HEBP1: variants seen among roughly 807,000 people sequenced by gnomAD.
HEBP1 encodes the protein heme binding protein 1.
HEBP1 carries 13 observed loss-of-function variants against 20.4 expected under a neutral mutation model. That is an observed-to-expected ratio of 0.64 (90% CI 0.42 to 1.01). The LOEUF (loss-of-function observed/expected upper bound fraction) is 1.01, where lower values mean the gene tolerates loss of function less well. Among genes scored for constraint, HEBP1 ranks in the 50% least tolerant of loss-of-function variants. The probability of loss-of-function intolerance (pLI) is 0.00; values close to 1 mark genes in which losing one functional copy is unlikely to be tolerated. For missense variants in HEBP1, 241 were observed against 247.3 expected (o/e 0.97, Z 0.17); for synonymous variants, 92 against 90.7 (o/e 1.01, Z -0.08).
chr12:12,991,871 A>G (rs1864229364), intron 1 of HEBP1, among the ~76,000 whole-genome samples: 1 of 152,146 alleles, frequency 6.6e-6, no homozygotes, highest in East Asian at 1.9e-4. Flanking sequence ...TGTTAATTTT[A>G]CCATCTGGTA....
At chr12:12,978,836 T>C (rs951312546) in intron 3 of HEBP1, 5 of 152,208 alleles carry the variant, frequency 3.3e-5, no homozygotes, top group African/African-American at 1.2e-4. Flanking sequence ...GGGGTGTTCA[T>C]GATTTAGTTT....
At chr12:12,980,693 G>A (rs769736743) in intron 3 of HEBP1, 29 of 152,460 alleles carry the variant, frequency 1.9e-4, no homozygotes, top group South Asian at 6.2e-4. Context: ...GAGGCATGTT[G>A]GGTGGTGGTG....
At chr12:12,985,454 A>G (rs757351830) in intron 3 of HEBP1, among the ~76,000 whole-genome samples, 1 of 152,084 alleles carries the variant, frequency 6.6e-6, no homozygotes, top group Non-Finnish European at 1.5e-5. Flanking sequence ...CTACCTTTCT[A>G]TAAGTTTGAA....
chr12:12,976,355 A>T (rs1351035818), intron 3 of HEBP1, among the ~76,000 whole-genome samples: 2 of 152,130 alleles, frequency 1.3e-5, no homozygotes, highest in Admixed American at 1.3e-4. Context: ...TCTTTTCAAG[A>T]TTATTATTCT....
chr12:12,989,935 G>A (rs1339212239), intron 1 of HEBP1, among the ~76,000 whole-genome samples: 1 of 152,052 alleles, frequency 6.6e-6, no homozygotes, highest in Non-Finnish European at 1.5e-5. Flanking sequence ...CCTCCTTGGG[G>A]GACTGGATCC....
At position 12,990,918 on chromosome 12, in the gene HEBP1, C is replaced by G. The variant is rs574296218; in HGVS notation, c.79-1503G>C. 3.3e-5 allele frequency among the ~76,000 whole-genome samples: 5 copies of G among 152,232 alleles called. No individual in the cohort carries two copies. The South Asian group carries it at 1.0e-3, about 32-fold the overall frequency. On this transcript the variant is annotated intron_variant, in intron 1 of 3. Transcript: ENST00000014930. ...GGCCCAACCAGTTCTGCCATTGCAC[C>G]GAGGAACAGAAGACAGCAAGAAAAA... is the stretch of plus-strand genomic sequence containing the variant.
At chr12:12,988,479 A>C (rs1308380920) in intron 2 of HEBP1, among the ~76,000 whole-genome samples, 1 of 152,180 alleles carries the variant, frequency 6.6e-6, no homozygotes, top group Non-Finnish European at 1.5e-5. Context: ...TACTCAATAG[A>C]CAGAGCAGCT....
In HEBP1 at chr12:12,987,328, A is replaced by C; in HGVS notation, c.222T>G (p.Ile74Met). The change falls in exon 3 of 4, where the codon ATT becomes ATG. Residue 74 changes from isoleucine (I) to methionine (M), a missense_variant. Ile to Met is a conservative substitution (Grantham distance 10, BLOSUM62 1). Transcript: ENST00000014930. ...KYAGGTNDKGIGMGMTVPISF... is the reference protein window; with the variant it reads ...KYAGGTNDKGMGMGMTVPISF... ...AAATAGGGACTGTCATCCCCATCCCAATTCCTGAAAACACAAAAGCACAGA... is the reference window on the plus strand; with the variant it reads ...AAATAGGGACTGTCATCCCCATCCCCATTCCTGAAAACACAAAAGCACAGA... 3 of 1,612,288 alleles carry C rather than the reference A, an allele frequency of 1.9e-6. No individual in the cohort carries two copies. Among genetic ancestry groups the C allele is most frequent in the African/African-American group, 2.7e-5 (2 of 74,930 alleles).
Position 12,986,079 on chromosome 12 carries a change from TGTTAA to T in HEBP1, c.398+1068_398+1072del, listed in dbSNP as rs1864148803. The T allele has an allele frequency of 1.3e-5, 2 of 152,196 alleles. No individual in the cohort carries two copies. The highest frequency in any genetic ancestry group is 4.8e-5 in the African/African-American group (2 of 41,430). 9.4% of individuals were successfully genotyped at this position (152,196 alleles called of 1,614,324 possible). A position where few individuals can be genotyped will look rare whatever the true frequency, so the allele number is the denominator to read the frequency against. On this transcript the variant is annotated intron_variant, in intron 3 of 3. Transcript: ENST00000014930. The surrounding 1 kb of genome is among the most constrained non-coding windows in gnomAD (Gnocchi z 4.3). Reference sequence around the variant, plus strand: ...GCATCTCCACCCTAGGAAAAGATATTGTTAAGTTAATTTGCTTTCTCCACACCCTC... The same window carrying T: ...GCATCTCCACCCTAGGAAAAGATATTGTTAATTTGCTTTCTCCACACCCTC...
chr12:12,987,612 T>TCTCTCTCTCTCTCTCTCTCTCTC (rs1230851526), intron 2 of HEBP1, among the ~76,000 whole-genome samples: 2 of 117,786 alleles, frequency 1.7e-5, no homozygotes, highest in African/African-American at 6.2e-5. Context: ...CTCTCTCTCT[T>TCTCTCTCTCTCTCTCTCTCTCTC]TCTCTCTCTC....
chr12:12,999,274 T>C (rs1864326044), intron 1 of HEBP1, among the ~76,000 whole-genome samples: 1 of 152,256 alleles, frequency 6.6e-6, no homozygotes, highest in Non-Finnish European at 1.5e-5. Flanking sequence ...TAGTTTAACT[T>C]TATCAATTAG....
Position 12,986,843 on chromosome 12 carries a change from T to TTAAG in HEBP1, c.398+305_398+308dup, listed in dbSNP as rs1864158679. The TTAAG allele has an allele frequency of 4.3e-6, 1 of 234,194 alleles. No individual in the cohort carries two copies. The highest frequency in any genetic ancestry group is 2.3e-5 in the African/African-American group (1 of 44,286). The allele number at this position is 234,194 out of a possible 1,614,324, so 14.5% of individuals were successfully genotyped here. A position where few individuals can be genotyped will look rare whatever the true frequency, so the allele number is the denominator to read the frequency against. On this transcript the variant is annotated intron_variant, in intron 3 of 3. Transcript: ENST00000014930. The surrounding 1 kb of genome is among the most constrained non-coding windows in gnomAD (Gnocchi z 4.3). ...CCACGAATCCAGACCATGGCTTGAC[T>TTAAG]TAAGATATTTGCTGAGTCTCCTAGA...
At position 13,000,158 on chromosome 12, in the gene HEBP1, G is replaced by C; in HGVS notation, c.-44C>G. The C allele has an allele frequency of 2.0e-6, 3 of 1,476,444 alleles. No homozygotes were observed. The highest frequency in any genetic ancestry group is 2.8e-6 in the Non-Finnish European group (3 of 1,076,468). 91.5% of individuals were successfully genotyped at this position (1,476,444 alleles called of 1,614,324 possible). On this transcript the variant is annotated 5_prime_UTR_variant, in exon 1 of 4. Coordinates refer to ENST00000014930, the MANE Select transcript of HEBP1 (RefSeq NM_015987.5). ...CCGACGCACGGGAGGACGTGAGGTG[G>C]CGGGGGCGACGGAGCACCACGGGCA...
chr12:13,000,259 C>T lies in HEBP1; in HGVS notation c.-145G>A. 3.1e-6 allele frequency: 1 copy of T among 326,520 alleles called. No homozygotes were observed. Among genetic ancestry groups the T allele is most frequent in the South Asian group, 9.3e-5 (1 of 10,794 alleles). The allele number at this position is 326,520 out of a possible 1,614,324, so 20.2% of individuals were successfully genotyped here. A position where few individuals can be genotyped will look rare whatever the true frequency, so the allele number is the denominator to read the frequency against. ...GTGGCAGGGCGGCAAGGCGGCGGGA[C>T]GGCGAGGCGGCGAGGCGAGAGGCGG... is the stretch of plus-strand genomic sequence containing the variant. On this transcript the variant is annotated 5_prime_UTR_variant, in exon 1 of 4. Coordinates refer to ENST00000014930, the MANE Select transcript of HEBP1 (RefSeq NM_015987.5).
chr12:12,990,343 A>T (rs1339941051), intron 1 of HEBP1, among the ~76,000 whole-genome samples: 3 of 112,070 alleles, frequency 2.7e-5, no homozygotes, highest in African/African-American at 8.2e-5. Context: ...TAATTAAAAA[A>T]AAAAATTTTT....
chr12:12,990,115 TGCACACACACAC>T (rs1488476469), intron 1 of HEBP1, among the ~76,000 whole-genome samples: 3 of 72,886 alleles, frequency 4.1e-5, no homozygotes, highest in Admixed American at 2.0e-4. Context: ...CTACTCTCTG[TGCACACACACAC>T]ACACACACAC....
intron 3 of HEBP1, chr12:12,977,633 G>A (rs1864009292): frequency 6.6e-6 from 1 of 152,142 alleles, no homozygotes; most frequent in Non-Finnish European, 1.5e-5. Flanking sequence ...GTAATATTAT[G>A]AACTGGCTCA....
Position 12,975,348 on chromosome 12 carries a change from G to A in HEBP1, c.530C>T (p.Pro177Leu). ...FCTGYDPPMK[P>L]YGRRNEIWLL... ...CCAGATCTCATTGCGCCGTCCGTAG[G>A]GCTTCATGGGAGGGTCATAACCCGT... The change falls in exon 4 of 4, where the codon CCC becomes CTC. Residue 177 changes from proline (P) to leucine (L), a missense_variant. Transcript: ENST00000014930. 6.2e-7 allele frequency: 1 copy of A among 1,614,024 alleles called. No individual in the cohort carries two copies. The highest frequency in any genetic ancestry group is 1.7e-4 in the Middle Eastern group (1 of 6,050).
chr12:12,977,991 C>G (rs904818714), intron 3 of HEBP1, among the ~76,000 whole-genome samples: 4 of 152,136 alleles, frequency 2.6e-5, no homozygotes, highest in Non-Finnish European at 5.9e-5. Context: ...TTCAGCCTGA[C>G]AGAGCTAAAG....
Sources: gnomAD v4.1 joint callset for allele counts (sites outside exome capture counted in the v4.1 genomes callset) on GRCh38, gnomAD v4.1.1 for gene constraint, Gnocchi (gnomAD v3.1) non-coding constraint, MANE v1.5 for transcripts, NCBI Gene and HGNC (gene_info 2026-07-23, HGNC 2026-07-21) for gene names.